Variants in SLC2A9 observed in about 807,000 individuals in gnomAD.
SLC2A9 encodes solute carrier family 2, facilitated glucose transporter member 9.
SLC2A9 carries 39 observed loss-of-function variants against 50.6 expected under a neutral mutation model. The observed-to-expected ratio is 0.77, with a 90% confidence interval of 0.60 to 1.01. The LOEUF (loss-of-function observed/expected upper bound fraction) is 1.01. Among genes scored for constraint, SLC2A9 ranks in the 50% least tolerant of loss-of-function variants. The probability of loss-of-function intolerance (pLI) is 0.00; values close to 1 mark genes in which losing one functional copy is unlikely to be tolerated. For synonymous variants in SLC2A9, 324 were observed against 276.9 expected (o/e 1.17, Z -1.69); for missense variants, 686 against 677.6 (o/e 1.01, Z -0.14).
chr4:9,838,278 T>C (rs1048316742), intron 10 of SLC2A9, among the ~76,000 whole-genome samples: 1 of 152,136 alleles, frequency 6.6e-6, no homozygotes, highest in Admixed American at 6.5e-5. Context: ...AAGATGATGA[T>C]GGTAACTGTG....
intron 3 of SLC2A9, among the ~76,000 whole-genome samples, chr4:9,801,560 T>A (rs1319456774): frequency 1.3e-5 from 2 of 152,190 alleles, no homozygotes; most frequent in African/African-American, 4.8e-5. Flanking sequence ...GTGAGTCTCA[T>A]CCCCATCGTT....
chr4:9,994,694 C>G (rs1484034680), intron 3 of SLC2A9, among the ~76,000 whole-genome samples: 1 of 151,514 alleles, frequency 6.6e-6, no homozygotes. Flanking sequence ...ACACCTGATA[C>G]ACAGCAGAGT....
intron 6 of SLC2A9, among the ~76,000 whole-genome samples, chr4:9,928,969 T>G (rs1356204740): frequency 6.6e-6 from 1 of 152,210 alleles, no homozygotes; most frequent in Admixed American, 6.5e-5. Context: ...CATTTTCAAC[T>G]CCCAAAACAT....
chr4:9,780,827 C>T (rs1462940363), intron 3 of SLC2A9, among the ~76,000 whole-genome samples: 1 of 152,082 alleles, frequency 6.6e-6, no homozygotes, highest in Admixed American at 6.5e-5. Flanking sequence ...CCCGTCAGTT[C>T]CTTTTCTGTT....
intron 3 of SLC2A9, among the ~76,000 whole-genome samples, chr4:9,804,093 T>C (rs780912006): frequency 1.1e-4 from 16 of 152,336 alleles, no homozygotes; most frequent in Non-Finnish European, 1.8e-4. Context: ...TTCATAGTTA[T>C]AAGGAGAGCA....
At chr4:9,973,717 G>T (rs1163584336) in intron 5 of SLC2A9, among the ~76,000 whole-genome samples, 1 of 107,900 alleles carries the variant, frequency 9.3e-6, no homozygotes, top group Non-Finnish European at 1.8e-5. Context: ...GTTGTGGGGT[G>T]GGGGGAGGGG....
intron 1 of SLC2A9, 63 bp from the exon 2 acceptor site, chr4:10,019,136 C>T: frequency 7.5e-7 from 1 of 1,336,256 alleles, no homozygotes; most frequent in Non-Finnish European, 1.1e-6. Flanking sequence ...CGAGGGAAGA[C>T]CTGGAACGTT....
chr4:9,962,326 G>C (rs1236004851), intron 5 of SLC2A9, among the ~76,000 whole-genome samples: 1 of 152,176 alleles, frequency 6.6e-6, no homozygotes, highest in African/African-American at 2.4e-5. Context: ...CGAAATGCCT[G>C]TCAGTGATAA....
chr4:9,808,927 G>A (rs1171856115), intron 3 of SLC2A9, among the ~76,000 whole-genome samples: 1 of 152,192 alleles, frequency 6.6e-6, no homozygotes, highest in Non-Finnish European at 1.5e-5. Context: ...GTACCTGGGA[G>A]GCATCAATTC....
rs777078579 is a variant in SLC2A9, at chr4:9,782,965, C to T, written n.386-2900G>A. 3 of 1,614,078 alleles carry T rather than the reference C, an allele frequency of 1.9e-6. No individual in the cohort carries two copies. In the South Asian group the frequency reaches 3.3e-5, roughly 18 times the overall value. ...TCTTCGTGTGTTGCTGGCTGCCCTT[C>T]TTCATCCTTAACTGCATGGTCCCTT... On this transcript the variant is annotated intron_variant and non_coding_transcript_variant, in intron 3 of 3. Transcript: ENST00000503803.
intron 8 of SLC2A9, among the ~76,000 whole-genome samples, chr4:9,896,975 G>A (rs1738669934): frequency 2.0e-5 from 3 of 152,134 alleles, no homozygotes; most frequent in South Asian, 2.1e-4. Flanking sequence ...TATGTACCAG[G>A]AATGGTTCCG....
chr4:9,925,720 T>G (rs1744772622), intron 6 of SLC2A9, among the ~76,000 whole-genome samples: 1 of 152,182 alleles, frequency 6.6e-6, no homozygotes, highest in Non-Finnish European at 1.5e-5. Flanking sequence ...CCATGTGTTT[T>G]GAATGAAATA....
intron 10 of SLC2A9, among the ~76,000 whole-genome samples, chr4:9,885,910 A>G (rs1736116198): frequency 6.6e-6 from 1 of 152,246 alleles, no homozygotes; most frequent in East Asian, 1.9e-4. Context: ...TCTGTGAAAT[A>G]AAAGTATTTA....
chr4:9,888,254 AC>A (rs1323472609), intron 9 of SLC2A9, among the ~76,000 whole-genome samples: 6 of 139,442 alleles, frequency 4.3e-5, no homozygotes, highest in African/African-American at 1.8e-4. Context: ...GTATCCCAGA[AC>A]TTAAAGTATA....
intron 10 of SLC2A9, among the ~76,000 whole-genome samples, chr4:9,840,976 C>T (rs1727984077): frequency 6.6e-6 from 1 of 152,116 alleles, no homozygotes. Context: ...TGTGAGAACT[C>T]CCTCTCTATC....
At chr4:9,794,262 C>T (rs1402891685), downstream of SLC2A9, among the ~76,000 whole-genome samples, 1 of 151,948 alleles carries the variant, frequency 6.6e-6, no homozygotes, top group Non-Finnish European at 1.5e-5. Flanking sequence ...TCAAGCGATT[C>T]TCCTGCCTCA....
intron 10 of SLC2A9, among the ~76,000 whole-genome samples, chr4:9,876,252 C>T (rs1447754173): frequency 2.6e-5 from 4 of 152,206 alleles, no homozygotes; most frequent in African/African-American, 9.6e-5. Context: ...GCCTCCATCT[C>T]TCTCTGGTTC....
intron 10 of SLC2A9, among the ~76,000 whole-genome samples, chr4:9,859,612 T>C (rs192368924): frequency 2.3e-4 from 35 of 152,294 alleles, no homozygotes; most frequent in Non-Finnish European, 3.7e-4. Context: ...ACAGAACAGG[T>C]GAAGTGAGGT....
At chr4:9,799,654 C>T (rs949605444) in intron 3 of SLC2A9, among the ~76,000 whole-genome samples, 2 of 149,452 alleles carry the variant, frequency 1.3e-5, no homozygotes, top group African/African-American at 4.9e-5. Flanking sequence ...ACGTAAATGA[C>T]TCTGCAAGTG....
Sources: gnomAD v4.1 joint callset for allele counts (sites outside exome capture counted in the v4.1 genomes callset) on GRCh38, gnomAD v4.1.1 for gene constraint, MANE v1.5 for transcripts, NCBI Gene and HGNC (gene_info 2026-07-23, HGNC 2026-07-21) for gene names.